The following SDK2 variants were observed in gnomAD, a reference collection of about 807,000 sequenced individuals.
The protein encoded by SDK2 is protein sidekick-2.
In SDK2, 105 loss-of-function variants were observed where a neutral mutation model predicts 253.9. The observed-to-expected ratio is 0.41, with a 90% confidence interval of 0.35 to 0.49. The LOEUF (loss-of-function observed/expected upper bound fraction) is 0.49, where lower values mean the gene tolerates loss of function less well. Ranked by LOEUF, SDK2 falls within the 20% of genes least tolerant of loss-of-function variation. The pLI is 0.06. For synonymous variants in SDK2, 1,249 were observed against 1,234.9 expected, an observed-to-expected ratio of 1.01 and a Z score of -0.24; for missense variants, 2,608 against 3,003.0, an observed-to-expected ratio of 0.87 and a Z score of 3.07.
Position 73,379,234 on chromosome 17 carries a change from G to A in SDK2, c.4923C>T (p.Asp1641=), listed in dbSNP as rs778945510. ...VVHGATATQL[D]VTWEPPPLDS... ...CCAGCGGAGGTGGCTCCCAAGTCAC[G>A]TCCAGCTGTGTGGCCGTGGCGCCGT... Residue 1641 remains aspartate (D), a synonymous_variant, in exon 36 of 45, where the codon GAC becomes GAT. Coordinates refer to ENST00000392650, the MANE Select transcript of SDK2 (RefSeq NM_001144952.2). This position sits in a 1 kb window ranked among gnomAD's most constrained non-coding sequence, Gnocchi z 4.5. 17 of 1,558,442 alleles carry A rather than the reference G, an allele frequency of 1.1e-5. No individual in the cohort carries two copies. The highest frequency in any genetic ancestry group is 5.5e-5 in the African/African-American group (4 of 73,374).
At chr17:73,525,554 A>G (rs2064119086) in intron 1 of SDK2, among the ~76,000 whole-genome samples, 1 of 152,118 alleles carries the variant, frequency 6.6e-6, no homozygotes, top group Non-Finnish European at 1.5e-5. Flanking sequence ...AAGAATGGGA[A>G]CCGGAGGCTC....
chr17:73,446,250 G>A (rs563056959), intron 5 of SDK2, among the ~76,000 whole-genome samples: 1 of 152,274 alleles, frequency 6.6e-6, no homozygotes, highest in African/African-American at 2.4e-5. Flanking sequence ...TCTCTTTGAT[G>A]ACTAAATTCC....
intron 44 of SDK2, among the ~76,000 whole-genome samples, chr17:73,342,736 C>T (rs915901549): frequency 6.6e-6 from 1 of 152,116 alleles, no homozygotes. Context: ...GCTTGTGGCA[C>T]GGGGAAGTTC....
At chr17:73,402,240 G>T in intron 18 of SDK2, 99 bp from the exon 19 acceptor site, 1 of 1,293,974 alleles carries the variant, frequency 7.7e-7, no homozygotes, top group Non-Finnish European at 1.1e-6. Flanking sequence ...TGGTGTCCGG[G>T]GACCGGAGTC....
At chr17:73,372,922 T>A (rs1486021786) in intron 36 of SDK2, among the ~76,000 whole-genome samples, 1 of 152,238 alleles carries the variant, frequency 6.6e-6, no homozygotes, top group Non-Finnish European at 1.5e-5. Context: ...ATTTCAAGTG[T>A]ACAATACGGT....
intron 1 of SDK2, among the ~76,000 whole-genome samples, chr17:73,574,320 T>C (rs2045427729): frequency 6.6e-6 from 1 of 152,248 alleles, no homozygotes; most frequent in South Asian, 2.1e-4. Flanking sequence ...ATGGATACTT[T>C]TAAATCCATT....
rs2046397127 is a variant in SDK2 at position 73,641,443 on chromosome 17, C to T, written c.64+2582G>A. 2.0e-5 allele frequency among the ~76,000 whole-genome samples: 3 copies of T among 152,214 alleles called. No individual in the cohort carries two copies. In the South Asian group the frequency reaches 6.2e-4, roughly 32 times the overall value. ...CATGAGAGCCCGTTCTTTCTGCTGC[C>T]AAAGCCAATGCTCTTTCTACAACCT... On this transcript the variant is annotated intron_variant, in intron 1 of 44. Transcript: ENST00000392650.
chr17:73,523,743 A>G (rs1198988901), intron 1 of SDK2, among the ~76,000 whole-genome samples: 1 of 152,046 alleles, frequency 6.6e-6, no homozygotes, highest in Non-Finnish European at 1.5e-5. Context: ...ACTTTCTTAT[A>G]GCAGCAAATG....
intron 1 of SDK2, among the ~76,000 whole-genome samples, chr17:73,591,883 A>G (rs2045686839): frequency 6.6e-6 from 1 of 152,162 alleles, no homozygotes; most frequent in African/African-American, 2.4e-5. Context: ...AAGAGCATCA[A>G]GCACTAAAAC....
At chr17:73,402,184 C>T in intron 18 of SDK2, 43 bp from the exon 19 acceptor site, 4 of 1,581,176 alleles carry the variant, frequency 2.5e-6, no homozygotes, top group Non-Finnish European at 3.4e-6. Context: ...CAGGAAGGTT[C>T]CAGAGGAGGC....
chr17:73,567,795 T>A (rs1002661380), intron 1 of SDK2, among the ~76,000 whole-genome samples: 8 of 152,248 alleles, frequency 5.3e-5, no homozygotes, highest in Non-Finnish European at 7.3e-5. Context: ...TTTTGGTTGA[T>A]TTCTCCCTTT....
chr17:73,424,228 C>T, intron 12 of SDK2, 136 bp from the exon 13 acceptor site: 2 of 697,496 alleles, frequency 2.9e-6, no homozygotes, highest in Non-Finnish European at 4.7e-6. Flanking sequence ...AGGCAGGACA[C>T]TGGGATCGGG....
intron 12 of SDK2, among the ~76,000 whole-genome samples, chr17:73,427,161 C>T (rs528558316): frequency 6.6e-6 from 1 of 152,208 alleles, no homozygotes; most frequent in Admixed American, 6.5e-5. Flanking sequence ...CTTTAGGAAG[C>T]AGAGATCACT....
In SDK2 at chr17:73,358,092, C is replaced by G; in HGVS notation, c.5580G>C (p.Glu1860Asp). The change falls in exon 40 of 45, where the codon GAG (glutamate) becomes GAC (aspartate). Residue 1860 changes from glutamate to aspartate, a missense_variant. By Grantham distance (45) the Glu-to-Asp change is conservative. Transcript: ENST00000392650. ...GGCGGGGCGCACCTGAAGGTCTGGC[C>G]TCGATGACGTAGCGGGTGATGGGCC... ...GKGPITRYVIEARPSDEGLWD... is the reference protein window; with the variant it reads ...GKGPITRYVIDARPSDEGLWD... The G allele has an allele frequency of 1.9e-6, 3 of 1,613,312 alleles. No homozygotes were observed. The highest frequency in any genetic ancestry group is 2.5e-6 in the Non-Finnish European group (3 of 1,179,792).
In SDK2 at chr17:73,482,666, A is replaced by G. The variant is rs1158428314; in HGVS notation, c.225-10448T>C. ...GTGCTCTCAATGAACAAGGATAAGG[A>G]CTTCATTAAACTGTGATCCATCAGC... On this transcript the variant is annotated intron_variant, in intron 2 of 44. Transcript: ENST00000392650. 2.0e-5 allele frequency among the ~76,000 whole-genome samples: 3 copies of G among 152,226 alleles called. No homozygotes were observed. In the East Asian group the frequency reaches 5.8e-4, roughly 29 times the overall value.
At position 73,395,513 on chromosome 17, in the gene SDK2, G is replaced by A. The variant is rs948700879; in HGVS notation, c.3355-121C>T. 6.0e-5 allele frequency: 43 copies of A among 711,984 alleles called. No homozygotes were observed. The Admixed American group carries it at 7.1e-4, about 12-fold the overall frequency. The allele number at this position is 711,984 out of a possible 1,614,324, so 44.1% of individuals were successfully genotyped here. A position where few individuals can be genotyped will look rare whatever the true frequency, so the allele number is the denominator to read the frequency against. On this transcript the variant is annotated intron_variant, in intron 24 of 44. Transcript: ENST00000392650. The surrounding 1 kb of genome is among the most constrained non-coding windows in gnomAD (Gnocchi z 4.3). Reference sequence around the variant, plus strand: ...AGGGCTATCCATCCCACTGTCACCCGGTCAGTGTCCACATGAGGCTCTCTC... The same window carrying A: ...AGGGCTATCCATCCCACTGTCACCCAGTCAGTGTCCACATGAGGCTCTCTC...
intron 3 of SDK2, among the ~76,000 whole-genome samples, chr17:73,459,393 T>C (rs2063549384): frequency 6.6e-6 from 1 of 152,168 alleles, no homozygotes; most frequent in Admixed American, 6.5e-5. Context: ...CTAGACAACC[T>C]TTCTTGCCTT....
At chr17:73,542,322 G>A (rs1183864180) in intron 1 of SDK2, among the ~76,000 whole-genome samples, 2 of 152,196 alleles carry the variant, frequency 1.3e-5, no homozygotes, top group Non-Finnish European at 2.9e-5. Context: ...GGGGATGGCT[G>A]CTCCTGTGAT....
At chr17:73,551,048 G>A (rs1337835137) in intron 1 of SDK2, among the ~76,000 whole-genome samples, 1 of 152,172 alleles carries the variant, frequency 6.6e-6, no homozygotes, top group East Asian at 1.9e-4. Flanking sequence ...AAGCCAGGAA[G>A]ACAGCCACCT....
Sources: gnomAD v4.1 joint callset for allele counts (sites outside exome capture counted in the v4.1 genomes callset) on GRCh38, gnomAD v4.1.1 for gene constraint, Gnocchi (gnomAD v3.1) non-coding constraint, MANE v1.5 for transcripts, NCBI Gene and HGNC (gene_info 2026-07-23, HGNC 2026-07-21) for gene names.